BANK1: variants seen among roughly 807,000 people sequenced by gnomAD.
BANK1 encodes the protein B cell scaffold protein with ankyrin repeats 1, also known as B-cell scaffold protein with ankyrin repeats.
Under a neutral mutation model 94.5 loss-of-function variants are expected in BANK1, and 95 were observed. The ratio of observed to expected loss-of-function variants is 1.00; its 90% CI spans 0.85 to 1.19. The LOEUF (loss-of-function observed/expected upper bound fraction) is 1.19, where lower values mean the gene tolerates loss of function less well. Ranked by LOEUF, BANK1 falls within the 50% of genes most tolerant of loss-of-function variation. The pLI, the probability that BANK1 is intolerant of heterozygous loss-of-function variation, is 0.00. For missense variants in BANK1, 987 were observed against 932.2 expected (o/e 1.06, Z -0.77); for synonymous variants, 334 against 308.4 (o/e 1.08, Z -0.87).
intron 7 of BANK1, among the ~76,000 whole-genome samples, chr4:101,936,283 A>G (rs1257944512): frequency 6.7e-6 from 1 of 150,366 alleles, no homozygotes; most frequent in Non-Finnish European, 1.5e-5. Flanking sequence ...ATGTATATGT[A>G]CACATATATG....
intron 1 of BANK1, among the ~76,000 whole-genome samples, chr4:101,808,426 T>C (rs1301924940): frequency 6.6e-6 from 1 of 152,172 alleles, no homozygotes; most frequent in Admixed American, 6.5e-5. Flanking sequence ...AGAGTTTTGC[T>C]ACTTTCAAGG....
chr4:101,804,785 T>A (rs1442860780), intron 1 of BANK1, among the ~76,000 whole-genome samples: 1 of 152,238 alleles, frequency 6.6e-6, no homozygotes, highest in Non-Finnish European at 1.5e-5. Flanking sequence ...ATACAAAGTA[T>A]GTGTTGATAA....
intron 10 of BANK1, among the ~76,000 whole-genome samples, chr4:102,035,912 C>T (rs1194296930): frequency 1.3e-5 from 2 of 151,882 alleles, no homozygotes; most frequent in East Asian, 3.9e-4. Flanking sequence ...GATGTATGGT[C>T]TTTAGTGACA....
intron 6 of BANK1, among the ~76,000 whole-genome samples, chr4:101,897,636 C>A (rs1722131882): frequency 6.6e-6 from 1 of 152,070 alleles, no homozygotes; most frequent in African/African-American, 2.4e-5. Context: ...GACTTTAGAG[C>A]AATTGTTCTC....
intron 7 of BANK1, among the ~76,000 whole-genome samples, chr4:101,951,826 T>C (rs1433207755): frequency 6.6e-6 from 1 of 151,812 alleles, no homozygotes; most frequent in Non-Finnish European, 1.5e-5. Flanking sequence ...TTTTGATTTT[T>C]AGTTTTTATT....
chr4:101,943,325 A>G (rs1407750978), intron 7 of BANK1, among the ~76,000 whole-genome samples: 1 of 151,966 alleles, frequency 6.6e-6, no homozygotes, highest in Non-Finnish European at 1.5e-5. Context: ...TCCTAGCCAC[A>G]GGATGGAGAA....
chr4:101,800,471 T>C (rs1725322838), intron 1 of BANK1, among the ~76,000 whole-genome samples: 1 of 152,106 alleles, frequency 6.6e-6, no homozygotes, highest in South Asian at 2.1e-4. Flanking sequence ...CTTGGTACAG[T>C]GTTGAATTAT....
intron 1 of BANK1, among the ~76,000 whole-genome samples, chr4:101,797,959 T>C (rs1040104171): frequency 8.6e-5 from 13 of 151,936 alleles, no homozygotes; most frequent in Non-Finnish European, 1.9e-4. Flanking sequence ...AACATTTCAG[T>C]GTTGGTAGAG....
chr4:102,066,880 A>C (rs919627436), intron 13 of BANK1, among the ~76,000 whole-genome samples: 1 of 152,212 alleles, frequency 6.6e-6, no homozygotes, highest in Non-Finnish European at 1.5e-5. Flanking sequence ...GTTAGAAGTT[A>C]TATAATATGA....
At chr4:101,879,897 A>C (rs1483020929) in intron 5 of BANK1, among the ~76,000 whole-genome samples, 1 of 152,148 alleles carries the variant, frequency 6.6e-6, no homozygotes, top group Non-Finnish European at 1.5e-5. Flanking sequence ...ACATCCTTTC[A>C]TGGTAAAGAC....
At chr4:102,020,998 A>T (rs372550996) in intron 7 of BANK1, among the ~76,000 whole-genome samples, 20 of 152,282 alleles carry the variant, frequency 1.3e-4, no homozygotes, top group East Asian at 1.2e-3. Context: ...TGAAGTACAT[A>T]TAGTGGAACT....
intron 5 of BANK1, among the ~76,000 whole-genome samples, chr4:101,872,481 C>T (rs904903409): frequency 6.6e-6 from 1 of 152,116 alleles, no homozygotes; most frequent in African/African-American, 2.4e-5. Flanking sequence ...AATCTTCTGG[C>T]ATCTGGACCA....
intron 7 of BANK1, among the ~76,000 whole-genome samples, chr4:101,996,878 G>C (rs184757441): frequency 6.6e-6 from 1 of 152,292 alleles, no homozygotes; most frequent in African/African-American, 2.4e-5. Context: ...TCTGCAAACA[G>C]AGACAATTTG....
At position 101,967,051 on chromosome 4, in the gene BANK1, C is replaced by T. The variant is rs551975332; in HGVS notation, c.1206+48862C>T. 2.6e-5 allele frequency among the ~76,000 whole-genome samples: 4 copies of T among 152,160 alleles called. No homozygotes were observed. In the South Asian group the frequency reaches 6.2e-4, roughly 24 times the overall value. On this transcript the variant is annotated intron_variant, in intron 7 of 16. Transcript: ENST00000322953. Reference sequence around the variant, plus strand: ...TTACTCGTTAGTCCAATTTATTAATCGTTAATTGAGCACTTACTGTATTCA... The same window carrying T: ...TTACTCGTTAGTCCAATTTATTAATTGTTAATTGAGCACTTACTGTATTCA...
intron 1 of BANK1, among the ~76,000 whole-genome samples, chr4:101,816,588 G>A (rs1725926786): frequency 6.8e-6 from 1 of 146,798 alleles, no homozygotes; most frequent in Non-Finnish European, 1.5e-5. Context: ...AACAGGTTTA[G>A]TAATTCCTCA....
At chr4:101,963,983 C>T (rs1724660429) in intron 7 of BANK1, among the ~76,000 whole-genome samples, 1 of 152,082 alleles carries the variant, frequency 6.6e-6, no homozygotes, top group Non-Finnish European at 1.5e-5. Context: ...GCTCCAATAG[C>T]ATTTTTTTGT....
intron 6 of BANK1, among the ~76,000 whole-genome samples, chr4:101,903,142 A>G (rs1722336022): frequency 6.6e-6 from 1 of 152,226 alleles, no homozygotes; most frequent in Non-Finnish European, 1.5e-5. Context: ...CTTTACCATT[A>G]TTAGCCCCAT....
chr4:101,857,794 A>C (rs555946585), intron 3 of BANK1, among the ~76,000 whole-genome samples: 1 of 152,336 alleles, frequency 6.6e-6, no homozygotes, highest in East Asian at 1.9e-4. Context: ...AGAAATACCT[A>C]GGTGAGTTTT....
intron 7 of BANK1, among the ~76,000 whole-genome samples, chr4:102,003,626 T>C (rs1726149360): frequency 1.3e-5 from 2 of 152,172 alleles, no homozygotes; most frequent in African/African-American, 2.4e-5. Flanking sequence ...ATTGAGGCAC[T>C]TGTGCCCTTT....
Sources: allele counts gnomAD v4.1 joint callset (sites outside exome capture counted in the v4.1 genomes callset), GRCh38; gene constraint gnomAD v4.1.1; transcripts MANE v1.5; gene names NCBI Gene and HGNC (gene_info 2026-07-23, HGNC 2026-07-21).